THEM6: variants seen among roughly 807,000 people sequenced by gnomAD.
THEM6 encodes thioesterase superfamily member 6, also known as protein THEM6.
In THEM6, 10 loss-of-function variants were observed where a neutral mutation model predicts 13.7. That is an observed-to-expected ratio of 0.73 (90% confidence interval 0.45 to 1.24). THEM6 has a LOEUF of 1.24. Among genes scored for constraint, THEM6 ranks in the 50% most tolerant of loss-of-function variants. THEM6 has a pLI of 0.00. For synonymous variants in THEM6, 161 were observed against 156.0 expected, an observed-to-expected ratio of 1.03 and a Z score of -0.24; for missense variants, 317 against 312.6, an observed-to-expected ratio of 1.01 and a Z score of -0.11.
chr8:142,735,076 A>C (rs760121989), intron 1 of THEM6: 2 of 476,086 alleles, frequency 4.2e-6, no homozygotes, highest in Non-Finnish European at 7.7e-6. Context: ...CAACCTGCCA[A>C]CTTCACGGGT....
intron 1 of THEM6, among the ~76,000 whole-genome samples, chr8:142,732,161 AATATATATATATATATATAT>A (rs59428096): frequency 0.16 from 6,140 of 37,382 alleles, 517 homozygotes; most frequent in East Asian, 0.29. Flanking sequence ...GGGAGTTTTG[AATATATATATATATATATAT>A]ATATATATAT....
intron 1 of THEM6, among the ~76,000 whole-genome samples, chr8:142,734,171 G>C (rs1234543148): frequency 6.6e-6 from 1 of 152,192 alleles, no homozygotes; most frequent in Non-Finnish European, 1.5e-5. Context: ...TGGCCTATTG[G>C]AGGAAGTTCA....
intron 1 of THEM6, among the ~76,000 whole-genome samples, chr8:142,734,189 G>A (rs905199598): frequency 2.0e-5 from 3 of 152,204 alleles, no homozygotes; most frequent in Non-Finnish European, 4.4e-5. Flanking sequence ...TCATTCAGAT[G>A]GTTGGGGGTA....
At chr8:142,730,966 C>G (rs1418406884) in intron 1 of THEM6, among the ~76,000 whole-genome samples, 1 of 152,118 alleles carries the variant, frequency 6.6e-6, no homozygotes, top group African/African-American at 2.4e-5. Flanking sequence ...AGGATAGTCT[C>G]GATCTCCTGA....
chr8:142,735,173 C>G, intron 1 of THEM6, 153 bp from the exon 2 acceptor site: 1 of 637,918 alleles, frequency 1.6e-6, no homozygotes. Flanking sequence ...AGGGGTAGCA[C>G]AAGTGTGCAG....
At chr8:142,728,608 C>A (rs1306820949) in intron 1 of THEM6, among the ~76,000 whole-genome samples, 1 of 152,220 alleles carries the variant, frequency 6.6e-6, no homozygotes, top group Non-Finnish European at 1.5e-5. Flanking sequence ...AGGTGCCTCC[C>A]GAGCAGACGA....
At position 142,727,783 on chromosome 8, in the gene THEM6, G is replaced by A. The variant is rs1554642536; in HGVS notation, c.437G>A (p.Cys146Tyr). 1 of 1,465,408 alleles carries A rather than the reference G, an allele frequency of 6.8e-7. No homozygotes were observed. Among genetic ancestry groups the A allele is most frequent in the Admixed American group, 2.5e-5 (1 of 40,368 alleles). 90.8% of individuals were successfully genotyped at this position (1,465,408 alleles called of 1,614,324 possible). ...RFVSLRDGFV[C>Y]ALLRFRQHLL... Reference sequence around the variant, plus strand: ...GTCAGCCTGCGGGACGGCTTCGTGTGCGCGCTGCTGCGCTTCCGGCAGCAC... The same window carrying A: ...GTCAGCCTGCGGGACGGCTTCGTGTACGCGCTGCTGCGCTTCCGGCAGCAC... Residue 146 changes from cysteine (C) to tyrosine (Y), a missense_variant, in exon 1 of 2, where the codon TGC becomes TAC. Cys to Tyr is a radical substitution (Grantham distance 194). Transcript: ENST00000336138.
rs1206211387 is a variant in THEM6 at position 142,735,583 on chromosome 8, C to G, written c.*144C>G. The G allele has an allele frequency of 1.4e-5, 9 of 650,558 alleles. No homozygotes were observed. In the East Asian group the frequency reaches 2.5e-4, roughly 18 times the overall value. The allele number at this position is 650,558 out of a possible 1,614,324, so 40.3% of individuals were successfully genotyped here. ...CCCTGCTCCACCCACTGGGCCCCCC[C>G]AGTTATTGATACCCCTCTGTGCTGG... On this transcript the variant is annotated 3_prime_UTR_variant, in exon 2 of 2. Transcript: ENST00000336138.
chr8:142,728,548 C>T (rs1055918011), intron 1 of THEM6, among the ~76,000 whole-genome samples: 1 of 152,230 alleles, frequency 6.6e-6, no homozygotes, highest in Non-Finnish European at 1.5e-5. Context: ...AAGCCAGGGC[C>T]TGTGCACCCC....
intron 1 of THEM6, among the ~76,000 whole-genome samples, chr8:142,732,161 AATAT>A (rs59428096): frequency 0.02 from 737 of 37,094 alleles, 10 homozygotes; most frequent in East Asian, 0.042. Context: ...GGGAGTTTTG[AATAT>A]ATATATATAT....
chr8:142,728,465 G>A (rs1815566031), intron 1 of THEM6, among the ~76,000 whole-genome samples: 1 of 152,250 alleles, frequency 6.6e-6, no homozygotes, highest in African/African-American at 2.4e-5. Context: ...GGCACCTGGG[G>A]CCCTGGGGAC....
At position 142,736,679 on chromosome 8, in the gene THEM6, T is replaced by C. The variant is rs1289438923; in HGVS notation, c.*1240T>C. 1 of 152,186 alleles carries C rather than the reference T, an allele frequency of 6.6e-6. No homozygotes were observed. The highest frequency in any genetic ancestry group is 1.5e-5 in the Non-Finnish European group (1 of 68,064). The allele number at this position is 152,186 out of a possible 1,614,324, so 9.4% of individuals were successfully genotyped here. A position where few individuals can be genotyped will look rare whatever the true frequency, so the allele number is the denominator to read the frequency against. ...TGCCCCATCTAGCTGGGTGCAGGGG[T>C]CACTGCTTGTCAGCTCAGGGCCCTG... On this transcript the variant is annotated 3_prime_UTR_variant, in exon 2 of 2. Coordinates refer to ENST00000336138, the MANE Select transcript of THEM6 (RefSeq NM_016647.3).
At chr8:142,735,255 G>A in intron 1 of THEM6, 71 bp from the exon 2 acceptor site, 2 of 1,141,972 alleles carry the variant, frequency 1.8e-6, no homozygotes, top group Non-Finnish European at 2.6e-6. Flanking sequence ...GGGCTGGGGA[G>A]CAGTGTGGGC....
intron 1 of THEM6, among the ~76,000 whole-genome samples, chr8:142,728,846 A>G (rs1233454692): frequency 1.3e-5 from 2 of 151,906 alleles, no homozygotes; most frequent in Non-Finnish European, 2.9e-5. Context: ...ATGCTTGTAT[A>G]TATGGGGAGA....
chr8:142,727,378 T>G lies in THEM6; in HGVS notation c.32T>G (p.Leu11Arg), dbSNP rs1554642401. 2.6e-6 allele frequency: 4 copies of G among 1,523,558 alleles called. No homozygotes were observed. Among genetic ancestry groups the G allele is most frequent in the Non-Finnish European group, 3.5e-6 (4 of 1,142,064 alleles). The allele number at this position is 1,523,558 out of a possible 1,614,324, so 94.4% of individuals were successfully genotyped here. A position where few individuals can be genotyped will look rare whatever the true frequency, so the allele number is the denominator to read the frequency against. The change falls in exon 1 of 2, where the codon CTG (leucine) becomes CGG (arginine). Residue 11 changes from leucine to arginine, a missense_variant. By Grantham distance (102) the Leu-to-Arg change is moderately radical. Transcript: ENST00000336138. MLGLLVALLA[L>R]GLAVFALLDV... ...GGGCTGCTGGTGGCGTTGCTGGCCCTGGGGCTCGCTGTCTTTGCGCTGCTG... is the reference window on the plus strand; with the variant it reads ...GGGCTGCTGGTGGCGTTGCTGGCCCGGGGGCTCGCTGTCTTTGCGCTGCTG...
chr8:142,727,723 G>C lies in THEM6; in HGVS notation c.377G>C (p.Trp126Ser). Residue 126 changes from tryptophan (W) to serine (S), a missense_variant, in exon 1 of 2, where the codon TGG becomes TCG. By Grantham distance (177) the Trp-to-Ser change is radical. Coordinates refer to ENST00000336138, the MANE Select transcript of THEM6 (RefSeq NM_016647.3). ...PFEVRTRLLGWDDRAFYLEAR... is the reference protein window; with the variant it reads ...PFEVRTRLLGSDDRAFYLEAR... The stretch of plus-strand genomic sequence containing the variant: ...GAGGTGCGCACCCGCCTGCTGGGCT[G>C]GGACGACCGCGCGTTCTACCTGGAG... The C allele has an allele frequency of 7.0e-7, 1 of 1,438,800 alleles. No individual in the cohort carries two copies. Among genetic ancestry groups the C allele is most frequent in the Non-Finnish European group, 9.0e-7 (1 of 1,106,122 alleles). The allele number at this position is 1,438,800 out of a possible 1,614,324, so 89.1% of individuals were successfully genotyped here. A position where few individuals can be genotyped will look rare whatever the true frequency, so the allele number is the denominator to read the frequency against.
At position 142,727,557 on chromosome 8, in the gene THEM6, C is replaced by G. The variant is rs1554642471; in HGVS notation, c.211C>G (p.Leu71Val). ...GCTGCACATGAACAACGCGCGCTAC[C>G]TGCGCGAGGCCGACTTTGCGCGCGT... ...LLLHMNNARY[L>V]READFARVAH... Residue 71 changes from leucine to valine, a missense_variant, in exon 1 of 2, where the codon CTG becomes GTG. Leu to Val is a conservative substitution (Grantham distance 32). Transcript: ENST00000336138. 5 of 1,551,806 alleles carry G rather than the reference C, an allele frequency of 3.2e-6. No homozygotes were observed. The African/African-American group carries it at 5.6e-5, about 17-fold the overall frequency.
Position 142,727,735 on chromosome 8 carries a change from C to G in THEM6, c.389C>G (p.Ala130Gly). The G allele has an allele frequency of 6.9e-7, 1 of 1,439,602 alleles. No individual in the cohort carries two copies. Among genetic ancestry groups the G allele is most frequent in the South Asian group, 1.4e-5 (1 of 70,278 alleles). 89.2% of individuals were successfully genotyped at this position (1,439,602 alleles called of 1,614,324 possible). The change falls in exon 1 of 2, where the codon GCG becomes GGG. Residue 130 changes from alanine (A) to glycine (G), a missense_variant. Ala to Gly is a moderately conservative substitution (Grantham distance 60). Transcript: ENST00000336138. ...CGCCTGCTGGGCTGGGACGACCGCG[C>G]GTTCTACCTGGAGGCGCGCTTTGTC... is the stretch of plus-strand genomic sequence containing the variant. ...RTRLLGWDDR[A>G]FYLEARFVSL...
In THEM6 at chr8:142,735,734, G is replaced by A; in HGVS notation, c.*295G>A. The A allele has an allele frequency of 2.6e-6, 1 of 385,406 alleles. No individual in the cohort carries two copies. The highest frequency in any genetic ancestry group is 4.9e-6 in the Non-Finnish European group (1 of 203,544). 23.9% of individuals were successfully genotyped at this position (385,406 alleles called of 1,614,324 possible). A position where few individuals can be genotyped will look rare whatever the true frequency, so the allele number is the denominator to read the frequency against. The stretch of plus-strand genomic sequence containing the variant: ...CGATGAGGCCACTCATGTGGGCCTA[G>A]GTAGGGGAGGATGGTGCCTGGAGCA... On this transcript the variant is annotated 3_prime_UTR_variant, in exon 2 of 2. Transcript: ENST00000336138.
Sources: gnomAD v4.1 joint callset for allele counts (sites outside exome capture counted in the v4.1 genomes callset) on GRCh38, gnomAD v4.1.1 for gene constraint, MANE v1.5 for transcripts, NCBI Gene and HGNC (gene_info 2026-07-23, HGNC 2026-07-21) for gene names.